Variants in EML5 observed in about 807,000 individuals in gnomAD.
The protein encoded by EML5 is echinoderm microtubule-associated protein-like 5.
Under a neutral mutation model 250.0 loss-of-function variants are expected in EML5, and 120 were observed. That is an observed-to-expected ratio of 0.48 (90% CI 0.41 to 0.56). The LOEUF (loss-of-function observed/expected upper bound fraction) is 0.56, where lower values mean the gene tolerates loss of function less well. Ranked by LOEUF, EML5 falls within the 20% of genes least tolerant of loss-of-function variation. EML5 has a pLI of 0.00. For synonymous variants in EML5, 771 were observed against 806.5 expected (o/e 0.96, Z 0.75); for missense variants, 2,006 against 2,437.6 (o/e 0.82, Z 3.73).
intron 10 of EML5, among the ~76,000 whole-genome samples, chr14:88,707,407 C>T (rs934389216): frequency 6.6e-6 from 1 of 151,970 alleles, no homozygotes; most frequent in African/African-American, 2.4e-5. Flanking sequence ...GGATTACAGG[C>T]ATGAGCCACC....
intron 1 of EML5, among the ~76,000 whole-genome samples, chr14:88,791,585 T>C (rs1026489590): frequency 2.0e-5 from 3 of 152,244 alleles, no homozygotes; most frequent in Middle Eastern, 3.4e-3. Flanking sequence ...AGACTAAAAA[T>C]AGCCCCCCAA....
At chr14:88,782,530 C>CTCT (rs1390785284) in intron 1 of EML5, among the ~76,000 whole-genome samples, 1 of 152,200 alleles carries the variant, frequency 6.6e-6, no homozygotes, top group East Asian at 1.9e-4. Context: ...CCATCACAGG[C>CTCT]TCGGAGGCCT....
Position 88,658,233 on chromosome 14 carries a change from C to T in EML5, c.3831G>A (p.Arg1277=), listed in dbSNP as rs768773222. 9.9e-6 allele frequency: 16 copies of T among 1,613,774 alleles called. No homozygotes were observed. The East Asian group carries it at 3.6e-4, about 36-fold the overall frequency. Residue 1277 remains arginine, a synonymous_variant, in exon 26 of 44, where the codon AGG becomes AGA. Transcript: ENST00000554922. ...TGTCGGATTCTTCACTATCACAAGGCCTTTTTTCTCGATAGCCTTCCATCT... is the reference window on the plus strand; with the variant it reads ...TGTCGGATTCTTCACTATCACAAGGTCTTTTTTCTCGATAGCCTTCCATCT... ...TNEMEGYREK[R]PCDSEESDID...
At chr14:88,716,764 C>T (rs1170928708) in intron 8 of EML5, among the ~76,000 whole-genome samples, 5 of 146,642 alleles carry the variant, frequency 3.4e-5, no homozygotes, top group African/African-American at 5.1e-5. Context: ...CACACACACA[C>T]GGTAGAAGGT....
chr14:88,644,484 C>CT lies in EML5; in HGVS notation c.4055dup (p.Pro1353AlafsTer33). 2 of 1,613,684 alleles carry CT rather than the reference C, an allele frequency of 1.2e-6. No homozygotes were observed. The highest frequency in any genetic ancestry group is 1.7e-6 in the Non-Finnish European group (2 of 1,179,770). On this transcript the variant is annotated frameshift_variant, in exon 30 of 44. Coordinates refer to ENST00000554922, the MANE Select transcript of EML5 (RefSeq NM_183387.3). LOFTEE classifies it high-confidence loss of function. ...CATTGTTTGTCTGGAGTTTCTCTGG[C>CT]TGTGGTGGGGCCCTGCTCACTGGAG...
At chr14:88,649,868 G>C (rs2140784496) in intron 28 of EML5, 44 bp downstream of exon 28, 1 of 1,395,126 alleles carries the variant, frequency 7.2e-7, no homozygotes, top group East Asian at 2.6e-5. Flanking sequence ...ATAAAATAAA[G>C]GGTAAATTTT....
intron 32 of EML5, among the ~76,000 whole-genome samples, chr14:88,635,932 C>T (rs1379479505): frequency 1.3e-5 from 2 of 152,180 alleles, no homozygotes; most frequent in Non-Finnish European, 2.9e-5. Flanking sequence ...AGAGAAGGCC[C>T]TCACCACAAC....
Position 88,687,391 on chromosome 14 carries a change from T to A in EML5, c.2743-64A>T, listed in dbSNP as rs1422436251. ...ATATTTTTTAAAATAGTAACCTTTTTCCTTATATTGAAAACTTCTAGAAAA... is the reference window on the plus strand; with the variant it reads ...ATATTTTTTAAAATAGTAACCTTTTACCTTATATTGAAAACTTCTAGAAAA... On this transcript the variant is annotated intron_variant, in intron 18 of 43. Transcript: ENST00000554922. The A allele has an allele frequency of 7.7e-6, 9 of 1,168,056 alleles. No individual in the cohort carries two copies. In the East Asian group the frequency reaches 2.4e-4, roughly 31 times the overall value. The allele number at this position is 1,168,056 out of a possible 1,614,324, so 72.4% of individuals were successfully genotyped here.
chr14:88,678,386 A>G (rs998423413), intron 21 of EML5, among the ~76,000 whole-genome samples: 1 of 152,138 alleles, frequency 6.6e-6, no homozygotes, highest in African/African-American at 2.4e-5. Context: ...ATCATGGCAC[A>G]CGTTTCCCTA....
At position 88,792,701 on chromosome 14, in the gene EML5, G is replaced by A. The variant is rs936399410; in HGVS notation, c.-198C>T. Reference sequence around the variant, plus strand: ...CAGGCGGGAGGAAAACCCTCGCCTCGCGGAACATGCTGAGGGCCGCGAGCG... The same window carrying A: ...CAGGCGGGAGGAAAACCCTCGCCTCACGGAACATGCTGAGGGCCGCGAGCG... On this transcript the variant is annotated 5_prime_UTR_variant, in exon 1 of 44. Coordinates refer to ENST00000554922, the MANE Select transcript of EML5 (RefSeq NM_183387.3). This position sits in a 1 kb window ranked among gnomAD's most constrained non-coding sequence, Gnocchi z 6.9. The A allele has an allele frequency of 5.4e-6, 6 of 1,119,692 alleles. No homozygotes were observed. The highest frequency in any genetic ancestry group is 3.9e-4 in the Middle Eastern group (1 of 2,588). The allele number at this position is 1,119,692 out of a possible 1,614,324, so 69.4% of individuals were successfully genotyped here.
intron 2 of EML5, among the ~76,000 whole-genome samples, chr14:88,753,392 C>T (rs1273418887): frequency 6.6e-6 from 1 of 152,214 alleles, no homozygotes; most frequent in African/African-American, 2.4e-5. Context: ...TATATAAAAA[C>T]ATCTACTGGC....
rs2094622580 is a variant in EML5 at position 88,792,624 on chromosome 14, G to A, written c.-121C>T. The A allele has an allele frequency of 8.6e-7, 1 of 1,168,284 alleles. No homozygotes were observed. Among genetic ancestry groups the A allele is most frequent in the Admixed American group, 4.7e-5 (1 of 21,280 alleles). 72.4% of individuals were successfully genotyped at this position (1,168,284 alleles called of 1,614,324 possible). The stretch of plus-strand genomic sequence containing the variant: ...ACTTCCCGCCAGCCGCGTCCTCTAA[G>A]CCGCGCCCGTCAGGTGCATCTCGTT... On this transcript the variant is annotated 5_prime_UTR_variant, in exon 1 of 44. Transcript: ENST00000554922. The surrounding 1 kb of genome is among the most constrained non-coding windows in gnomAD (Gnocchi z 6.9).
Position 88,621,114 on chromosome 14 carries a change from T to G in EML5, c.5201A>C (p.Lys1734Thr). The G allele has an allele frequency of 2.5e-6, 4 of 1,613,494 alleles. No individual in the cohort carries two copies. The highest frequency in any genetic ancestry group is 3.4e-6 in the Non-Finnish European group (4 of 1,179,720). The change falls in exon 38 of 44, where the codon AAA becomes ACA. Residue 1734 changes from lysine to threonine, a missense_variant and splice_region_variant. Coordinates refer to ENST00000554922, the MANE Select transcript of EML5 (RefSeq NM_183387.3). ...TTTAAAAAAATTATCTGTACTTACT[T>G]TATCAGCAATATCCCAAAGTCTCAC... ...GTVRLWDIAD[K>T]KMLNKVNLGH...
At chr14:88,757,322 G>A (rs1456192930) in intron 1 of EML5, among the ~76,000 whole-genome samples, 1 of 152,070 alleles carries the variant, frequency 6.6e-6, no homozygotes, top group African/African-American at 2.4e-5. Flanking sequence ...ATATACAAAT[G>A]TCAACTCAAA....
intron 8 of EML5, among the ~76,000 whole-genome samples, chr14:88,718,585 C>A (rs1452687993): frequency 6.6e-6 from 1 of 152,054 alleles, no homozygotes; most frequent in Non-Finnish European, 1.5e-5. Context: ...AAAAATGTCT[C>A]CTAGTTTTAG....
intron 2 of EML5, among the ~76,000 whole-genome samples, chr14:88,750,550 TTAC>T (rs1358908763): frequency 1.3e-5 from 2 of 152,164 alleles, no homozygotes. Flanking sequence ...ATTATTATTA[TTAC>T]TATTAGTTTA....
At chr14:88,748,198 G>A (rs1304344030) in intron 2 of EML5, among the ~76,000 whole-genome samples, 1 of 152,116 alleles carries the variant, frequency 6.6e-6, no homozygotes, top group Admixed American at 6.6e-5. Flanking sequence ...AGTAAGATTT[G>A]AGAATATTAA....
At position 88,738,907 on chromosome 14, in the gene EML5, A is replaced by C. The variant is rs2093885431; in HGVS notation, c.819T>G (p.Asp273Glu). Residue 273 changes from aspartate to glutamate, a missense_variant, in exon 6 of 44, where the codon GAT becomes GAG. This residue lies in a region of EML5 where 1,375 missense variants were observed against 1,590.3 expected (regional missense o/e 0.86). Transcript: ENST00000554922. ...DLTFKPITVI[D>E]LRETDQGYKG... ...TGTATCCCTGGTCTGTTTCCCTGAG[A>C]TCAATCACAGTAATTGGTTTAAAAG... 1 of 1,581,930 alleles carries C rather than the reference A, an allele frequency of 6.3e-7. No individual in the cohort carries two copies. The highest frequency in any genetic ancestry group is 1.3e-5 in the African/African-American group (1 of 74,232).
intron 41 of EML5, chr14:88,617,575 C>T (rs2140249104): frequency 6.6e-6 from 1 of 152,396 alleles, no homozygotes; most frequent in South Asian, 2.1e-4. Context: ...TTGAGACCAG[C>T]CTGGGCAATA....
Sources: gnomAD v4.1 joint callset for allele counts (sites outside exome capture counted in the v4.1 genomes callset) on GRCh38, gnomAD v4.1.1 for gene constraint, gnomAD v4.1.1 regional missense constraint, Gnocchi (gnomAD v3.1) non-coding constraint, MANE v1.5 for transcripts, NCBI Gene and HGNC (gene_info 2026-07-23, HGNC 2026-07-21) for gene names.